ZFHX3: variants seen among roughly 807,000 people sequenced by gnomAD.
The protein encoded by ZFHX3 is zinc finger homeobox protein 3.
A neutral mutation model predicts 279.1 loss-of-function variants in ZFHX3; 42 were observed. The observed-to-expected ratio is 0.15, with a 90% CI of 0.12 to 0.19. ZFHX3 has a LOEUF of 0.19. ZFHX3 is among the 10% of genes least tolerant of loss of function. ZFHX3 has a pLI of 1.00. For synonymous variants in ZFHX3, 2,293 were observed against 1,957.8 expected, an observed-to-expected ratio of 1.17 and a Z score of -4.52; for missense variants, 4,981 against 4,754.0, an observed-to-expected ratio of 1.05 and a Z score of -1.40.
At chr16:72,997,143 T>A (rs1567624643) in intron 1 of ZFHX3, among the ~76,000 whole-genome samples, 1 of 152,182 alleles carries the variant, frequency 6.6e-6, no homozygotes, top group African/African-American at 2.4e-5. Flanking sequence ...TGCACAAGTG[T>A]TCCTGCAGCT....
chr16:72,860,069 G>A (rs2037846523), intron 4 of ZFHX3, among the ~76,000 whole-genome samples: 1 of 152,120 alleles, frequency 6.6e-6, no homozygotes, highest in African/African-American at 2.4e-5. Flanking sequence ...TAGCCCAGCT[G>A]GGAAGTACAA....
At chr16:72,953,665 G>A (rs549820773) in intron 2 of ZFHX3, among the ~76,000 whole-genome samples, 2 of 152,202 alleles carry the variant, frequency 1.3e-5, no homozygotes, top group South Asian at 4.2e-4. Context: ...ACTGCAGTCT[G>A]GGCCACCAAG....
chr16:73,091,995 T>G (rs1310333171), intron 8 of ZFHX3, among the ~76,000 whole-genome samples: 2 of 152,226 alleles, frequency 1.3e-5, no homozygotes, highest in Non-Finnish European at 2.9e-5. Flanking sequence ...GAAAGTGCTT[T>G]TAAGTTCATT....
At chr16:73,591,884 A>G (rs1460094087) in intron 2 of ZFHX3, among the ~76,000 whole-genome samples, 1 of 151,890 alleles carries the variant, frequency 6.6e-6, no homozygotes, top group African/African-American at 2.4e-5. Flanking sequence ...ATGATATTAA[A>G]TAATTATTGT....
intron 4 of ZFHX3, among the ~76,000 whole-genome samples, chr16:72,838,263 A>G (rs746790768): frequency 2.6e-5 from 4 of 152,216 alleles, no homozygotes; most frequent in African/African-American, 7.2e-5. Flanking sequence ...ATGCTTTTGT[A>G]TATTTGAAGA....
chr16:73,603,320 A>G (rs953851517), intron 2 of ZFHX3, among the ~76,000 whole-genome samples: 1 of 152,030 alleles, frequency 6.6e-6, no homozygotes, highest in African/African-American at 2.4e-5. Flanking sequence ...AGAAAAAAAG[A>G]AAAAGAGATA....
chr16:73,078,008 T>A (rs939264416), intron 8 of ZFHX3, among the ~76,000 whole-genome samples: 1 of 152,210 alleles, frequency 6.6e-6, no homozygotes, highest in Non-Finnish European at 1.5e-5. Context: ...TTTCATCATG[T>A]TGACCAGGCT....
At chr16:72,876,454 G>C (rs1460102411) in intron 4 of ZFHX3, among the ~76,000 whole-genome samples, 1 of 152,014 alleles carries the variant, frequency 6.6e-6, no homozygotes, top group Non-Finnish European at 1.5e-5. Context: ...TTCCCCAGTC[G>C]GCCCACCATC....
intron 1 of ZFHX3, among the ~76,000 whole-genome samples, chr16:73,731,331 G>A (rs1248262779): frequency 2.6e-5 from 4 of 152,108 alleles, no homozygotes; most frequent in Non-Finnish European, 5.9e-5. Context: ...AAAGCACTGT[G>A]TATGCAAAAA....
intron 3 of ZFHX3, among the ~76,000 whole-genome samples, chr16:72,901,832 C>T (rs538793108): frequency 1.8e-4 from 28 of 152,304 alleles, no homozygotes; most frequent in African/African-American, 6.5e-4. Flanking sequence ...GATGACACTG[C>T]TCATTTCCCA....
chr16:73,299,188 C>T (rs1021659294), intron 4 of ZFHX3, among the ~76,000 whole-genome samples: 1 of 152,186 alleles, frequency 6.6e-6, no homozygotes, highest in African/African-American at 2.4e-5. Flanking sequence ...ACAATCTATA[C>T]ATTTGAAACA....
At chr16:72,867,471 A>G (rs2038050316) in intron 4 of ZFHX3, among the ~76,000 whole-genome samples, 1 of 152,164 alleles carries the variant, frequency 6.6e-6, no homozygotes, top group Admixed American at 6.5e-5. Flanking sequence ...CAGAAGACAA[A>G]ACATACCAAA....
intron 2 of ZFHX3, among the ~76,000 whole-genome samples, chr16:73,645,642 T>C (rs369469361): frequency 4.1e-4 from 62 of 152,320 alleles, no homozygotes; most frequent in Middle Eastern, 6.8e-3. Flanking sequence ...CCCTTCTTTA[T>C]AAAAATACGT....
chr16:73,478,478 T>G lies in ZFHX3; in HGVS notation c.-1546-22220A>C, dbSNP rs552334239. On this transcript the variant is annotated intron_variant, in intron 2 of 17. Coordinates refer to the ZFHX3 transcript ENST00000641206. ...GGTATAATCTGTGACACATCCAAAG[T>G]GGACAAGATGAAGAGATAATAGGTA... Among the ~76,000 whole-genome samples, 6 of 152,196 alleles carry G rather than the reference T, an allele frequency of 3.9e-5. No individual in the cohort carries two copies. In the South Asian group the frequency reaches 1.2e-3, roughly 32 times the overall value.
At chr16:72,955,255 T>C (rs1004823898) in intron 2 of ZFHX3, among the ~76,000 whole-genome samples, 24 of 152,198 alleles carry the variant, frequency 1.6e-4, no homozygotes, top group African/African-American at 5.8e-4. Context: ...CCTTTGTGAC[T>C]GAGCTGGATA....
At chr16:73,809,149 C>A (rs982483410) in intron 1 of ZFHX3, 13 of 152,170 alleles carry the variant, frequency 8.5e-5, no homozygotes, top group African/African-American at 1.2e-4. Context: ...ATGGAGGTGA[C>A]CCTGCCACAA....
intron 2 of ZFHX3, among the ~76,000 whole-genome samples, chr16:73,584,838 A>G (rs555887073): frequency 6.6e-6 from 1 of 152,356 alleles, no homozygotes; most frequent in East Asian, 1.9e-4. Flanking sequence ...CAATCTATCC[A>G]TCTGACAAAG....
chr16:73,395,861 A>G (rs2017117545), intron 3 of ZFHX3, among the ~76,000 whole-genome samples: 1 of 152,178 alleles, frequency 6.6e-6, no homozygotes, highest in Admixed American at 6.5e-5. Context: ...GTGCAGATAT[A>G]TAAGACATCT....
At chr16:72,924,887 G>C (rs1959358658) in intron 3 of ZFHX3, among the ~76,000 whole-genome samples, 1 of 152,094 alleles carries the variant, frequency 6.6e-6, no homozygotes, top group African/African-American at 2.4e-5. Context: ...TCTGTCCTAT[G>C]GGACTTCAGT....
Sources: gnomAD v4.1 joint callset for allele counts (sites outside exome capture counted in the v4.1 genomes callset) on GRCh38, gnomAD v4.1.1 for gene constraint, MANE v1.5 for transcripts, NCBI Gene and HGNC (gene_info 2026-07-23, HGNC 2026-07-21) for gene names.